Variants in EYS observed in about 807,000 individuals in gnomAD.
EYS encodes the protein EGF-like photoreceptor maintenance factor.
In EYS, 250 loss-of-function variants were observed where a neutral mutation model predicts 282.1. The ratio of observed to expected loss-of-function variants is 0.89; its 90% CI spans 0.80 to 0.98. The LOEUF (loss-of-function observed/expected upper bound fraction) is 0.98. EYS is among the 50% of genes least tolerant of loss of function. EYS has a pLI of 0.00. For missense variants in EYS, 4,016 were observed against 3,709.0 expected (o/e 1.08, Z -2.15); for synonymous variants, 1,355 against 1,282.9 (o/e 1.06, Z -1.20).
In EYS at chr6:63,806,250, C is replaced by A. The variant is rs768000972; in HGVS notation, c.7351G>T (p.Ala2451Ser). ...HYEFHLKFQL[A>S]NNHSALQNNL... Reference sequence around the variant, plus strand: ...TTTTGCAGTGCTGAGTGGTTGTTTGCCAGCTGAAACTTCAGGTGGAATTCA... The same window carrying A: ...TTTTGCAGTGCTGAGTGGTTGTTTGACAGCTGAAACTTCAGGTGGAATTCA... The change falls in exon 37 of 43, where the codon GCA (alanine) becomes TCA (serine). Residue 2451 changes from alanine to serine, a missense_variant. Coordinates refer to ENST00000503581, the MANE Select transcript of EYS (RefSeq NM_001142800.2). 1.7e-5 allele frequency: 26 copies of A among 1,551,502 alleles called. No individual in the cohort carries two copies. The highest frequency in any genetic ancestry group is 2.3e-5 in the Non-Finnish European group (26 of 1,146,886).
At chr6:64,989,799 TACACACACACACACAC>T (rs3033931) in intron 14 of EYS, among the ~76,000 whole-genome samples, 1 of 140,148 alleles carries the variant, frequency 7.1e-6, no homozygotes, top group African/African-American at 2.6e-5. Context: ...TATATATTCA[TACACACACACACACAC>T]ACACACACAC....
intron 30 of EYS, among the ~76,000 whole-genome samples, chr6:64,234,258 C>CTT (rs34953836): frequency 1.5e-4 from 23 of 149,662 alleles, no homozygotes; most frequent in Middle Eastern, 3.4e-3. Flanking sequence ...AGAAAACTCA[C>CTT]TTTTTTTTTT....
intron 32 of EYS, among the ~76,000 whole-genome samples, chr6:64,072,080 T>A (rs1179278105): frequency 1.3e-5 from 2 of 151,948 alleles, no homozygotes; most frequent in Non-Finnish European, 2.9e-5. Context: ...AAATTCAGTA[T>A]GAGAGCAACA....
intron 22 of EYS, among the ~76,000 whole-genome samples, chr6:64,644,187 CAG>C (rs1768273218): frequency 6.6e-6 from 1 of 152,106 alleles, no homozygotes; most frequent in South Asian, 2.1e-4. Context: ...TACAAGGGAG[CAG>C]AGTCAAAAGA....
chr6:64,938,991 T>C (rs1053791590), intron 15 of EYS, among the ~76,000 whole-genome samples: 8 of 151,744 alleles, frequency 5.3e-5, no homozygotes, highest in African/African-American at 1.9e-4. Context: ...GTATGGTGTG[T>C]TAATTATGTC....
chr6:64,970,563 C>T (rs1036835506), intron 14 of EYS, among the ~76,000 whole-genome samples: 3 of 152,156 alleles, frequency 2.0e-5, no homozygotes, highest in African/African-American at 4.8e-5. Context: ...TGAGTAGCCA[C>T]TTAAAACATC....
rs538963948 is a variant in EYS, at chr6:64,062,552, C to T, written c.6725+3786G>A. ...ACTAAAAACACAAAAATTAGCCAGG[C>T]GTGGTGGTGGGCACCTGTAATCCCA... On this transcript the variant is annotated intron_variant, in intron 33 of 42. Transcript: ENST00000503581. Among the ~76,000 whole-genome samples, 8 of 152,024 alleles carry T rather than the reference C, an allele frequency of 5.3e-5. No individual in the cohort carries two copies. In the South Asian group the frequency reaches 1.2e-3, roughly 24 times the overall value.
intron 12 of EYS, among the ~76,000 whole-genome samples, chr6:65,273,746 A>G (rs1044798048): frequency 5.9e-5 from 9 of 152,200 alleles, no homozygotes; most frequent in Non-Finnish European, 1.3e-4. Context: ...ATATCACCGT[A>G]TGATTAACTG....
intron 30 of EYS, among the ~76,000 whole-genome samples, chr6:64,280,745 A>G (rs1768277204): frequency 6.6e-6 from 1 of 152,148 alleles, no homozygotes; most frequent in Non-Finnish European, 1.5e-5. Flanking sequence ...GAAAATGCCA[A>G]TTGGTAAAGT....
In EYS at chr6:64,886,775, T is replaced by C. The variant is rs764691705; in HGVS notation, c.2914A>G (p.Ile972Val). 6.5e-6 allele frequency: 10 copies of C among 1,546,922 alleles called. No individual in the cohort carries two copies. In the South Asian group the frequency reaches 1.1e-4, roughly 17 times the overall value. Residue 972 changes from isoleucine to valine, a missense_variant, in exon 19 of 43, where the codon ATC becomes GTC. Coordinates refer to ENST00000503581, the MANE Select transcript of EYS (RefSeq NM_001142800.2). The part of the protein sequence containing the change: ...FCELDVNKCK[I>V]SPCLDEENCV... ...TTTTCTTCATCTAGACAAGGTGAGATTTTACATTTATTTACATCAAGTTCA... is the reference window on the plus strand; with the variant it reads ...TTTTCTTCATCTAGACAAGGTGAGACTTTACATTTATTTACATCAAGTTCA...
intron 2 of EYS, among the ~76,000 whole-genome samples, chr6:65,565,904 C>T (rs1046506296): frequency 1.6e-4 from 24 of 151,918 alleles, no homozygotes; most frequent in African/African-American, 5.8e-4. Flanking sequence ...ACAATTAGAA[C>T]ATACGGACAC....
At chr6:64,081,120 G>T (rs116489299) in intron 32 of EYS, among the ~76,000 whole-genome samples, 3,479 of 152,220 alleles carry the variant, frequency 0.023, 113 homozygotes, top group African/African-American at 0.07. Flanking sequence ...TTATGGGGAT[G>T]GCAGAAAGTG....
At chr6:64,172,683 G>C (rs1764517513) in intron 31 of EYS, among the ~76,000 whole-genome samples, 1 of 152,222 alleles carries the variant, frequency 6.6e-6, no homozygotes, top group African/African-American at 2.4e-5. Flanking sequence ...ACCAGTACTG[G>C]CCCAGGGGTG....
At chr6:65,183,981 C>CCATGGAACG (rs57460912) in intron 12 of EYS, among the ~76,000 whole-genome samples, 4,512 of 151,692 alleles carry the variant, frequency 0.03, 93 homozygotes, top group African/African-American at 0.058. Context: ...TCAATGGAAT[C>CCATGGAACG]GGAATTCCAT....
intron 12 of EYS, among the ~76,000 whole-genome samples, chr6:65,271,598 T>G (rs574237875): frequency 1.3e-5 from 2 of 152,130 alleles, no homozygotes; most frequent in South Asian, 2.1e-4. Flanking sequence ...TTTTTTATTT[T>G]TTTAGTTGGA....
chr6:65,001,727 C>G (rs923283616), intron 13 of EYS, among the ~76,000 whole-genome samples: 1 of 147,478 alleles, frequency 6.8e-6, no homozygotes. Flanking sequence ...GTTTAGCTTC[C>G]CAAACCATTT....
intron 33 of EYS, among the ~76,000 whole-genome samples, chr6:64,047,189 AAAC>A (rs1294877532): frequency 6.6e-6 from 1 of 151,998 alleles, no homozygotes; most frequent in African/African-American, 2.4e-5. Flanking sequence ...GTTAAAAAAA[AAAC>A]AAGATAAAAT....
intron 13 of EYS, among the ~76,000 whole-genome samples, chr6:65,030,619 G>A (rs865973477): frequency 2.6e-5 from 4 of 152,146 alleles, no homozygotes; most frequent in South Asian, 2.1e-4. Flanking sequence ...AGATTCCATC[G>A]GGGTATTGTT....
At chr6:64,905,039 A>C (rs1215347551) in intron 16 of EYS, among the ~76,000 whole-genome samples, 1 of 152,226 alleles carries the variant, frequency 6.6e-6, no homozygotes, top group Non-Finnish European at 1.5e-5. Flanking sequence ...CACGTGCTGC[A>C]TAACAACATT....
Sources: gnomAD v4.1 joint callset for allele counts (sites outside exome capture counted in the v4.1 genomes callset) on GRCh38, gnomAD v4.1.1 for gene constraint, MANE v1.5 for transcripts, NCBI Gene and HGNC (gene_info 2026-07-23, HGNC 2026-07-21) for gene names.